The following KIAA1217 variants were observed in gnomAD, a reference collection of about 807,000 sequenced individuals.
KIAA1217 encodes the protein KIAA1217.
A neutral mutation model predicts 163.9 loss-of-function variants in KIAA1217; 88 were observed. That is an observed-to-expected ratio of 0.54 (90% CI 0.45 to 0.64). The LOEUF is 0.64. KIAA1217 is among the 30% of genes least tolerant of loss of function. The pLI is 0.00. For missense variants in KIAA1217, 2,372 were observed against 2,475.0 expected (o/e 0.96, Z 0.88); for synonymous variants, 903 against 923.1 (o/e 0.98, Z 0.39).
chr10:24,287,734 T>C lies in KIAA1217; in HGVS notation c.354+67825T>C, dbSNP rs78643400. On this transcript the variant is annotated intron_variant, in intron 2 of 20. Transcript: ENST00000376454. ...TTGCTTTGCTCATAATTTAACTGAA[T>C]GAGACATCTGACCTCTGCTGTCTAT... 9.5e-3 allele frequency among the ~76,000 whole-genome samples: 1,441 copies of C among 152,320 alleles called. 28 individuals carry two copies. Among genetic ancestry groups the C allele is most frequent in the East Asian group, 0.084 (433 of 5,182 alleles).
chr10:24,384,494 G>A (rs988681254), intron 3 of KIAA1217, among the ~76,000 whole-genome samples: 1 of 152,082 alleles, frequency 6.6e-6, no homozygotes, highest in African/African-American at 2.4e-5. Flanking sequence ...TTTACACTGG[G>A]GTTCACTCTT....
intron 1 of KIAA1217, among the ~76,000 whole-genome samples, chr10:23,992,019 GACATGAT>G (rs1333967518): frequency 2.0e-5 from 3 of 152,104 alleles, no homozygotes; most frequent in Admixed American, 1.3e-4. Context: ...TTAATATTAT[GACATGAT>G]TACCTGGTTG....
chr10:24,212,080 GAAAAAGA>G lies in KIAA1217; in HGVS notation c.70+2830_70+2836del, dbSNP rs145826254. 4.0e-4 allele frequency among the ~76,000 whole-genome samples: 58 copies of G among 145,114 alleles called. No homozygotes were observed. The East Asian group carries it at 9.8e-3, about 24-fold the overall frequency. The stretch of plus-strand genomic sequence containing the variant: ...AAAGACAGAGAGAAAGAGAAGGAAG[GAAAAAGA>G]AAAAAGAAAAAAAAAGAAGAGAGAG... On this transcript the variant is annotated intron_variant, in intron 1 of 20. Transcript: ENST00000376454.
At chr10:23,902,526 G>C (rs1245850353) in intron 1 of KIAA1217, among the ~76,000 whole-genome samples, 2 of 152,060 alleles carry the variant, frequency 1.3e-5, no homozygotes, top group East Asian at 3.9e-4. Flanking sequence ...TTTGCATGTG[G>C]TGAATTTATG....
At chr10:23,782,221 T>C (rs1173506485) in intron 1 of KIAA1217, among the ~76,000 whole-genome samples, 1 of 152,204 alleles carries the variant, frequency 6.6e-6, no homozygotes, top group Non-Finnish European at 1.5e-5. Flanking sequence ...CATTTATGTG[T>C]ATCTTCATTT....
intron 2 of KIAA1217, among the ~76,000 whole-genome samples, chr10:24,318,246 A>G (rs2043665385): frequency 6.6e-6 from 1 of 152,178 alleles, no homozygotes; most frequent in Non-Finnish European, 1.5e-5. Flanking sequence ...AGATGGATGT[A>G]TAGATAGATG....
chr10:24,450,416 C>T (rs1321302101), intron 5 of KIAA1217, among the ~76,000 whole-genome samples: 1 of 152,134 alleles, frequency 6.6e-6, no homozygotes, highest in Non-Finnish European at 1.5e-5. Flanking sequence ...TTAGTGATTG[C>T]CTGAAAAAGT....
intron 2 of KIAA1217, among the ~76,000 whole-genome samples, chr10:24,258,168 G>A (rs534363178): frequency 2.0e-5 from 2 of 98,148 alleles, no homozygotes; most frequent in South Asian, 5.9e-4. Context: ...GTGGCAGAAT[G>A]AGACCCTGTC....
rs1394855250 is a variant in KIAA1217 at position 24,543,887 on chromosome 10, C to G, written c.4617C>G (p.Asn1539Lys). 6.2e-7 allele frequency: 1 copy of G among 1,614,108 alleles called. No individual in the cohort carries two copies. Residue 1539 changes from asparagine (N) to lysine (K), a missense_variant, in exon 19 of 21, where the codon AAC becomes AAG. Around this residue, in one of 3 missense-constraint regions of KIAA1217, gnomAD observed 690 missense variants for 677.5 expected, o/e 1.02. Transcript: ENST00000376454. ...ETRNPGGQEM[N>K]RTELNKFSHV... is the part of the protein sequence containing the mutation. ...GAAACCCAGGAGGACAGGAAATGAA[C>G]AGAACGGAGCTGAACAAGTTCAGCC...
rs75861232 is a variant in KIAA1217 at position 24,118,522 on chromosome 10, A to C, written c.-170-101104A>C. On this transcript the variant is annotated intron_variant, in intron 2 of 18. Transcript: ENST00000376462. ...TTACTACAAGGGACTTCAGAGAATG[A>C]GTTCATTTCTCTTCAGACATCCTCA... Among the ~76,000 whole-genome samples the C allele has an allele frequency of 1.5e-3, 236 of 152,310 alleles. 10 individuals are homozygous for C. The highest frequency in any genetic ancestry group is 0.011 in the Admixed American group (174 of 15,310).
intron 2 of KIAA1217, among the ~76,000 whole-genome samples, chr10:24,161,187 T>C (rs1271085718): frequency 1.3e-5 from 2 of 152,228 alleles, no homozygotes; most frequent in Non-Finnish European, 1.5e-5. Context: ...TTAACTATTA[T>C]GCTCTCAGAG....
intron 1 of KIAA1217, among the ~76,000 whole-genome samples, chr10:23,857,089 C>T (rs1005575768): frequency 3.9e-5 from 6 of 152,246 alleles, no homozygotes; most frequent in Non-Finnish European, 7.3e-5. Context: ...GCAGAAATCA[C>T]CCGTCTTCTG....
chr10:24,544,931 T>C (rs1185478366), intron 19 of KIAA1217, 50 bp from the exon 20 acceptor site: 1 of 1,593,864 alleles, frequency 6.3e-7, no homozygotes, highest in South Asian at 1.1e-5. Context: ...ACAGATGACC[T>C]ACTCATGCGC....
At chr10:23,928,545 G>T (rs1321529114) in intron 1 of KIAA1217, among the ~76,000 whole-genome samples, 2 of 152,082 alleles carry the variant, frequency 1.3e-5, no homozygotes, top group Non-Finnish European at 2.9e-5. Flanking sequence ...TTACTCTAGG[G>T]CCTGGGGATG....
intron 2 of KIAA1217, among the ~76,000 whole-genome samples, chr10:24,121,715 T>C (rs1017746393): frequency 6.6e-6 from 1 of 152,212 alleles, no homozygotes; most frequent in Admixed American, 6.5e-5. Flanking sequence ...AAAAGGCATG[T>C]TAAATAATCA....
chr10:24,508,672 A>C (rs2068689788), intron 9 of KIAA1217, among the ~76,000 whole-genome samples: 1 of 152,244 alleles, frequency 6.6e-6, no homozygotes, highest in Non-Finnish European at 1.5e-5. Context: ...CAAATATTAA[A>C]ATTTTGTTAT....
At chr10:23,730,245 C>CT (rs963633338) in intron 1 of KIAA1217, among the ~76,000 whole-genome samples, 37 of 151,740 alleles carry the variant, frequency 2.4e-4, no homozygotes, top group East Asian at 3.9e-4. Flanking sequence ...TGTCTAGATT[C>CT]TTTTTTTTTC....
intron 1 of KIAA1217, among the ~76,000 whole-genome samples, chr10:23,825,819 G>T (rs999520971): frequency 6.6e-6 from 1 of 152,146 alleles, no homozygotes; most frequent in Admixed American, 6.5e-5. Context: ...TGCTGACTTT[G>T]TTCCTTAGGA....
chr10:24,521,532 A>C (rs2071278053), intron 11 of KIAA1217, among the ~76,000 whole-genome samples: 1 of 152,082 alleles, frequency 6.6e-6, no homozygotes, highest in Non-Finnish European at 1.5e-5. Flanking sequence ...AGTAATAATA[A>C]TAACCCTAAT....
Sources: gnomAD v4.1 joint callset for allele counts (sites outside exome capture counted in the v4.1 genomes callset) on GRCh38, gnomAD v4.1.1 for gene constraint, gnomAD v4.1.1 regional missense constraint, MANE v1.5 for transcripts, NCBI Gene and HGNC (gene_info 2026-07-23, HGNC 2026-07-21) for gene names.